ZCCHC8: variants seen among roughly 807,000 people sequenced by gnomAD.
The protein encoded by ZCCHC8 is zinc finger CCHC-type containing 8.
A neutral mutation model predicts 70.6 loss-of-function variants in ZCCHC8; 27 were observed. That is an observed-to-expected ratio of 0.38 (90% CI 0.28 to 0.53). The LOEUF (loss-of-function observed/expected upper bound fraction) is 0.53, where lower values mean the gene tolerates loss of function less well. Among genes scored for constraint, ZCCHC8 ranks in the 20% least tolerant of loss-of-function variants. The probability of loss-of-function intolerance (pLI) is 0.81; values close to 1 mark genes in which losing one functional copy is unlikely to be tolerated. For synonymous variants in ZCCHC8, 293 were observed against 317.4 expected (o/e 0.92, Z 0.82); for missense variants, 737 against 876.9 (o/e 0.84, Z 2.01).
At chr12:122,480,066 A>G in intron 11 of ZCCHC8, 124 bp downstream of exon 11, 1 of 832,364 alleles carries the variant, frequency 1.2e-6, no homozygotes, top group East Asian at 2.8e-5. Flanking sequence ...CTTGCCTCGG[A>G]CTCCCAAAGT....
intron 13 of ZCCHC8, among the ~76,000 whole-genome samples, chr12:122,475,293 C>A (rs760216739): frequency 1.3e-5 from 2 of 152,194 alleles, no homozygotes; most frequent in Non-Finnish European, 2.9e-5. Context: ...GATCCGCCCA[C>A]CTCGGCCTCC....
chr12:122,477,335 T>G (rs1235589636), intron 13 of ZCCHC8, among the ~76,000 whole-genome samples: 1 of 150,424 alleles, frequency 6.6e-6, no homozygotes, highest in Non-Finnish European at 1.5e-5. Context: ...TTTGTATTTT[T>G]AATAGAGACA....
Position 122,500,480 on chromosome 12 carries a change from G to A in ZCCHC8, c.199+162C>T. ...GGCAGCCTGCGCGCCCCGAACCCTA[G>A]ACTCTCGGTCCGCCGGCGGGTGACA... On this transcript the variant is annotated intron_variant, in intron 1 of 13. Coordinates refer to ENST00000633063, the MANE Select transcript of ZCCHC8 (RefSeq NM_017612.5). The surrounding 1 kb of genome is among the most constrained non-coding windows in gnomAD (Gnocchi z 4.8). 1 of 976,960 alleles carries A rather than the reference G, an allele frequency of 1.0e-6. No homozygotes were observed. Among genetic ancestry groups the A allele is most frequent in the South Asian group, 1.7e-5 (1 of 58,168 alleles). 60.5% of individuals were successfully genotyped at this position (976,960 alleles called of 1,614,324 possible). A position where few individuals can be genotyped will look rare whatever the true frequency, so the allele number is the denominator to read the frequency against.
chr12:122,497,848 GA>G (rs77628931), intron 2 of ZCCHC8, among the ~76,000 whole-genome samples: 25 of 145,992 alleles, frequency 1.7e-4, no homozygotes, highest in Middle Eastern at 3.4e-3. Flanking sequence ...GACTCTATCA[GA>G]AAAAAAAAAA....
Position 122,473,832 on chromosome 12 carries a change from A to C in ZCCHC8, c.1789T>G (p.Ser597Ala). Residue 597 changes from serine (S) to alanine (A), a missense_variant, in exon 14 of 14, where the codon TCC (serine) becomes GCC (alanine). Ser to Ala is a moderately conservative substitution (Grantham distance 99). Coordinates refer to ENST00000633063, the MANE Select transcript of ZCCHC8 (RefSeq NM_017612.5). The part of the protein sequence containing the change: ...FTKKSEAGHA[S>A]SPDSEVTSLC... Reference sequence around the variant, plus strand: ...GATGTCACCTCAGAGTCTGGACTGGAGGCATGTCCAGCTTCTGATTTCTTT... The same window carrying C: ...GATGTCACCTCAGAGTCTGGACTGGCGGCATGTCCAGCTTCTGATTTCTTT... 1 of 1,613,834 alleles carries C rather than the reference A, an allele frequency of 6.2e-7. No individual in the cohort carries two copies. Among genetic ancestry groups the C allele is most frequent in the Non-Finnish European group, 8.5e-7 (1 of 1,179,850 alleles).
At position 122,500,890 on chromosome 12, in the gene ZCCHC8, T is replaced by A. The variant is rs1210997713; in HGVS notation, c.-50A>T. The stretch of plus-strand genomic sequence containing the variant: ...AAGAGGCGGAGCCGGCCACCAGGGC[T>A]TGGGGAAGAAGGTTGGAAGGCGGCA... On this transcript the variant is annotated 5_prime_UTR_variant, in exon 1 of 14. In the 5' UTR this introduces an upstream ATG that the reference lacks. Transcript: ENST00000633063. The surrounding 1 kb of genome is among the most constrained non-coding windows in gnomAD (Gnocchi z 4.8). 2 of 1,539,362 alleles carry A rather than the reference T, an allele frequency of 1.3e-6. No individual in the cohort carries two copies. The highest frequency in any genetic ancestry group is 1.8e-6 in the Non-Finnish European group (2 of 1,139,664).
intron 1 of ZCCHC8, 46 bp from the exon 2 acceptor site, chr12:122,498,915 T>A: frequency 6.6e-7 from 1 of 1,525,090 alleles, no homozygotes; most frequent in Non-Finnish European, 9.1e-7. Flanking sequence ...ACAATGCAAA[T>A]CATAAAATTC....
At chr12:122,486,405 G>C (rs1480270175) in intron 5 of ZCCHC8, among the ~76,000 whole-genome samples, 2 of 117,654 alleles carry the variant, frequency 1.7e-5, no homozygotes, top group African/African-American at 6.9e-5. Flanking sequence ...AGAGCGAGAG[G>C]CTGTCTCAAA....
In ZCCHC8 at chr12:122,473,907, T is replaced by A. The variant is rs747060265; in HGVS notation, c.1714A>T (p.Thr572Ser). 5.0e-6 allele frequency: 8 copies of A among 1,613,824 alleles called. No individual in the cohort carries two copies. The South Asian group carries it at 8.8e-5, about 18-fold the overall frequency. Residue 572 changes from threonine to serine, a missense_variant, in exon 14 of 14, where the codon ACA becomes TCA. Physicochemically the swap from Thr to Ser is moderately conservative, Grantham distance 58. Transcript: ENST00000633063. ...ELDLPVPEGKTSEKQTLDEPE... is the reference protein window; with the variant it reads ...ELDLPVPEGKSSEKQTLDEPE... ...TCATCCAGCGTCTGCTTTTCAGATGTTTTTCCCTCCGGGACAGGGAGGTCT... is the reference window on the plus strand; with the variant it reads ...TCATCCAGCGTCTGCTTTTCAGATGATTTTCCCTCCGGGACAGGGAGGTCT...
chr12:122,474,619 C>G (rs1489448961), intron 13 of ZCCHC8, among the ~76,000 whole-genome samples: 1 of 151,960 alleles, frequency 6.6e-6, no homozygotes, highest in Non-Finnish European at 1.5e-5. Flanking sequence ...AAATTTGTGG[C>G]AGAATGCAGT....
At chr12:122,495,384 G>A (rs1329780970) in intron 2 of ZCCHC8, among the ~76,000 whole-genome samples, 1 of 152,060 alleles carries the variant, frequency 6.6e-6, no homozygotes, top group South Asian at 2.1e-4. Context: ...CCAGCTACTC[G>A]GGAGACCTAG....
chr12:122,494,139 T>C (rs1957789597), intron 2 of ZCCHC8, among the ~76,000 whole-genome samples: 2 of 152,192 alleles, frequency 1.3e-5, no homozygotes, highest in South Asian at 2.1e-4. Flanking sequence ...ATATATCCCA[T>C]GGGTAGCCCG....
rs370938843 is a variant in ZCCHC8 at position 122,482,078 on chromosome 12, C to T, written c.742G>A (p.Ala248Thr). 2 of 1,607,450 alleles carry T rather than the reference C, an allele frequency of 1.2e-6. No homozygotes were observed. Among genetic ancestry groups the T allele is most frequent in the South Asian group, 2.2e-5 (2 of 89,978 alleles). ...QMKDCPMPRN[A>T]ARISEKRKEY... ...TTTCTCTTTTCACTTATTCGAGCAG[C>T]ATTCCGAGGCTACATCATGACACAT... Residue 248 changes from alanine (A) to threonine (T), a missense_variant, in exon 9 of 14, where the codon GCT (alanine) becomes ACT (threonine). Coordinates refer to ENST00000633063, the MANE Select transcript of ZCCHC8 (RefSeq NM_017612.5).
chr12:122,485,626 C>T (rs1008428776), intron 5 of ZCCHC8, among the ~76,000 whole-genome samples: 1 of 152,012 alleles, frequency 6.6e-6, no homozygotes, highest in African/African-American at 2.4e-5. Flanking sequence ...CCCTCCAAAC[C>T]TGCTCCTCCT....
intron 13 of ZCCHC8, among the ~76,000 whole-genome samples, chr12:122,477,420 C>T (rs535234594): frequency 1.3e-3 from 189 of 150,302 alleles, no homozygotes; most frequent in African/African-American, 4.4e-3. Flanking sequence ...TCCCAAAGTG[C>T]TGGGATTACA....
chr12:122,479,614 G>A (rs752828575), intron 11 of ZCCHC8, among the ~76,000 whole-genome samples: 9 of 152,088 alleles, frequency 5.9e-5, no homozygotes, highest in Non-Finnish European at 1.2e-4. Flanking sequence ...TACTGTCTCA[G>A]AAAAATCCAT....
At chr12:122,478,567 G>A (rs1178568460) in intron 11 of ZCCHC8, 1 of 325,062 alleles carries the variant, frequency 3.1e-6, no homozygotes, top group Non-Finnish European at 5.7e-6. Flanking sequence ...AGGCAGGAGT[G>A]ACTGCTATGG....
chr12:122,489,254 T>C, intron 5 of ZCCHC8, 132 bp downstream of exon 5: 1 of 765,192 alleles, frequency 1.3e-6, no homozygotes, highest in South Asian at 2.4e-5. Context: ...CAAACTGCTA[T>C]TTACCACAAA....
intron 2 of ZCCHC8, among the ~76,000 whole-genome samples, chr12:122,494,610 C>T (rs1957798830): frequency 6.6e-6 from 1 of 151,238 alleles, no homozygotes; most frequent in Non-Finnish European, 1.5e-5. Context: ...AATCCCAGTA[C>T]TTTGGGAGGC....
Sources: allele counts gnomAD v4.1 joint callset (sites outside exome capture counted in the v4.1 genomes callset), GRCh38; gene constraint gnomAD v4.1.1; non-coding constraint Gnocchi (gnomAD v3.1); transcripts MANE v1.5; gene names NCBI Gene and HGNC (gene_info 2026-07-23, HGNC 2026-07-21).